TNFSF4: variants seen among roughly 807,000 people sequenced by gnomAD.
TNFSF4 encodes the protein TNF superfamily member 4.
In TNFSF4, 4 loss-of-function variants were observed where a neutral mutation model predicts 7.3. The observed-to-expected ratio is 0.55, with a 90% confidence interval of 0.27 to 1.25. The LOEUF is 1.25. Among genes scored for constraint, TNFSF4 ranks in the 50% most tolerant of loss-of-function variants. The pLI, the probability that TNFSF4 is intolerant of heterozygous loss-of-function variation, is 0.12. For missense variants in TNFSF4, 181 were observed against 208.8 expected, an observed-to-expected ratio of 0.87 and a Z score of 0.82; for synonymous variants, 76 against 83.7, an observed-to-expected ratio of 0.91 and a Z score of 0.50.
At chr1:173,195,598 G>A (rs1649665414) in intron 1 of TNFSF4, among the ~76,000 whole-genome samples, 1 of 152,248 alleles carries the variant, frequency 6.6e-6, no homozygotes, top group South Asian at 2.1e-4. Flanking sequence ...TGTTTCAAGA[G>A]CTCATCTTTG....
chr1:173,224,439 C>G, the TNFSF4 span, among the ~76,000 whole-genome samples: 4 of 152,140 alleles, frequency 2.6e-5, no homozygotes, highest in Non-Finnish European at 5.9e-5. Flanking sequence ...CTGTCTGAAA[C>G]GAAAACACTT....
the TNFSF4 span, among the ~76,000 whole-genome samples, chr1:173,308,149 C>T: frequency 6.6e-6 from 1 of 151,872 alleles, no homozygotes; most frequent in African/African-American, 2.4e-5. Flanking sequence ...ATCTTCTACT[C>T]TGTGATTAGC....
chr1:173,233,346 C>T, the TNFSF4 span, among the ~76,000 whole-genome samples: 3 of 152,150 alleles, frequency 2.0e-5, no homozygotes, highest in Admixed American at 1.3e-4. Flanking sequence ...ACCAAATCTA[C>T]GTCTGATTGG....
chr1:173,204,920 C>CAA (rs200406443), intron 1 of TNFSF4, among the ~76,000 whole-genome samples: 18,343 of 136,818 alleles, frequency 0.13, 1,263 homozygotes, highest in African/African-American at 0.26. Flanking sequence ...CACACACACA[C>CAA]ACAAACACAC....
At chr1:173,228,151 T>A in the TNFSF4 span, among the ~76,000 whole-genome samples, 3 of 152,242 alleles carry the variant, frequency 2.0e-5, no homozygotes, top group East Asian at 5.8e-4. Flanking sequence ...CCCTGACCCA[T>A]GAGTAGCCTA....
At chr1:173,299,395 A>G in the TNFSF4 span, among the ~76,000 whole-genome samples, 7 of 151,992 alleles carry the variant, frequency 4.6e-5, no homozygotes, top group South Asian at 1.5e-3. Flanking sequence ...CCAAGGTGTT[A>G]GGATTCTGAG....
chr1:173,396,453 T>C, the TNFSF4 span, among the ~76,000 whole-genome samples: 6 of 152,038 alleles, frequency 3.9e-5, no homozygotes, highest in African/African-American at 1.4e-4. Context: ...AAGGCTGCAG[T>C]AGGCTATGTT....
chr1:173,445,935 T>C, the TNFSF4 span, among the ~76,000 whole-genome samples: 1 of 152,124 alleles, frequency 6.6e-6, no homozygotes, highest in Non-Finnish European at 1.5e-5. Flanking sequence ...AAAGTACAGA[T>C]AGTCTGAACA....
the TNFSF4 span, among the ~76,000 whole-genome samples, chr1:173,398,409 C>CTTTTTTTTTTTTT: frequency 6.7e-3 from 681 of 101,460 alleles, 1 homozygote; most frequent in Middle Eastern, 0.021. Flanking sequence ...TATTTCTTTT[C>CTTTTTTTTTTTTT]TTTTTTTTTT....
chr1:173,201,861 G>A (rs1649954828), intron 1 of TNFSF4, among the ~76,000 whole-genome samples: 1 of 152,054 alleles, frequency 6.6e-6, no homozygotes, highest in Non-Finnish European at 1.5e-5. Flanking sequence ...TTTCATTAGT[G>A]ACTATGGAAA....
the TNFSF4 span, among the ~76,000 whole-genome samples, chr1:173,448,501 G>A: frequency 6.6e-6 from 1 of 152,134 alleles, no homozygotes; most frequent in Non-Finnish European, 1.5e-5. Context: ...GGTGGGCTGA[G>A]TCCGAAAAGA....
chr1:173,318,743 T>A, the TNFSF4 span, among the ~76,000 whole-genome samples: 15 of 152,162 alleles, frequency 9.9e-5, no homozygotes, highest in African/African-American at 3.4e-4. Context: ...GACTTAAAAA[T>A]GTTTTGTAAT....
the TNFSF4 span, among the ~76,000 whole-genome samples, chr1:173,415,166 TAA>T: frequency 6.6e-6 from 1 of 152,266 alleles, no homozygotes; most frequent in South Asian, 2.1e-4. Context: ...TAGCCTTGAA[TAA>T]AGTGTTCGTT....
chr1:173,181,713 TC>T (rs1390990990), downstream of TNFSF4, among the ~76,000 whole-genome samples: 1 of 152,188 alleles, frequency 6.6e-6, no homozygotes, highest in Admixed American at 6.5e-5. Flanking sequence ...ATTCCATGAC[TC>T]AGGGCCATCT....
chr1:173,378,335 G>T, the TNFSF4 span, among the ~76,000 whole-genome samples: 120,204 of 151,678 alleles, frequency 0.79, 47,903 homozygotes, highest in East Asian at 0.91. Context: ...GCTGCATCCG[G>T]GAGCACAACT....
At chr1:173,402,849 T>C in the TNFSF4 span, among the ~76,000 whole-genome samples, 1 of 149,556 alleles carries the variant, frequency 6.7e-6, no homozygotes, top group Non-Finnish European at 1.5e-5. Flanking sequence ...GCCTGAGAAT[T>C]TGCATTTTTT....
At chr1:173,429,871 G>GC in the TNFSF4 span, among the ~76,000 whole-genome samples, 3 of 152,220 alleles carry the variant, frequency 2.0e-5, no homozygotes, top group African/African-American at 7.2e-5. Context: ...AAATGTAGCA[G>GC]CTTCCTGCCT....
At chr1:173,371,142 C>T in the TNFSF4 span, among the ~76,000 whole-genome samples, 1 of 152,192 alleles carries the variant, frequency 6.6e-6, no homozygotes, top group African/African-American at 2.4e-5. Context: ...AGGAAATTGA[C>T]TTCCTCCTGG....
the TNFSF4 span, among the ~76,000 whole-genome samples, chr1:173,236,734 C>CA: frequency 2.6e-5 from 4 of 151,726 alleles, no homozygotes; most frequent in African/African-American, 9.7e-5. Context: ...TAGCCAGGAA[C>CA]AAAAAACTAA....
Sources: allele counts gnomAD v4.1 joint callset (sites outside exome capture counted in the v4.1 genomes callset), GRCh38; gene constraint gnomAD v4.1.1; transcripts MANE v1.5; gene names NCBI Gene and HGNC (gene_info 2026-07-23, HGNC 2026-07-21).